The following TTF2 variants were observed in gnomAD, a reference collection of about 807,000 sequenced individuals.
TTF2 encodes the protein RNA polymerase II termination factor.
In TTF2, 108 loss-of-function variants were observed where a neutral mutation model predicts 142.4. That is an observed-to-expected ratio of 0.76 (90% CI 0.65 to 0.89). The LOEUF (loss-of-function observed/expected upper bound fraction) is 0.89. TTF2 is among the 40% of genes least tolerant of loss of function. TTF2 has a pLI of 0.00. For synonymous variants in TTF2, 483 were observed against 506.2 expected (o/e 0.95, Z 0.61); for missense variants, 1,327 against 1,379.8 (o/e 0.96, Z 0.61).
Position 117,093,489 on chromosome 1 carries a change from T to A in TTF2, c.2976+588T>A, listed in dbSNP as rs1243005482. ...ATGTGCTTCATCATCCTGCCTGTCT[T>A]GAAAGTGAGGCTTGTTTCTCTCTTA... is the stretch of plus-strand genomic sequence containing the variant. On this transcript the variant is annotated intron_variant, in intron 18 of 22. Transcript: ENST00000369466. This position sits in a 1 kb window ranked among gnomAD's most constrained non-coding sequence, Gnocchi z 4.5. 2.6e-5 allele frequency among the ~76,000 whole-genome samples: 4 copies of A among 152,202 alleles called. No individual in the cohort carries two copies. Among genetic ancestry groups the A allele is most frequent in the Non-Finnish European group, 4.4e-5 (3 of 68,018 alleles).
At position 117,090,059 on chromosome 1, in the gene TTF2, C is replaced by G; in HGVS notation, c.2347C>G (p.Leu783Val). 6.2e-7 allele frequency: 1 copy of G among 1,612,994 alleles called. No individual in the cohort carries two copies. Among genetic ancestry groups the G allele is most frequent in the Non-Finnish European group, 8.5e-7 (1 of 1,179,438 alleles). The part of the protein sequence containing the change: ...LLDMYSLLKF[L>V]RCSPFDEFNL... ...CCTTCTTCCTCAACAAAAAAGGTTTCTCCGTTGCTCTCCATTTGATGAGTT... is the reference window on the plus strand; with the variant it reads ...CCTTCTTCCTCAACAAAAAAGGTTTGTCCGTTGCTCTCCATTTGATGAGTT... The change falls in exon 14 of 23, where the codon CTC becomes GTC. Residue 783 changes from leucine to valine, a missense_variant. Coordinates refer to ENST00000369466, the MANE Select transcript of TTF2 (RefSeq NM_003594.4). The surrounding 1 kb of genome is among the most constrained non-coding windows in gnomAD (Gnocchi z 4.8).
At position 117,093,171 on chromosome 1, in the gene TTF2, G is replaced by A. The variant is rs527836497; in HGVS notation, c.2976+270G>A. Among the ~76,000 whole-genome samples the A allele has an allele frequency of 9.2e-5, 14 of 152,302 alleles. No individual in the cohort carries two copies. Among genetic ancestry groups the A allele is most frequent in the Non-Finnish European group, 2.1e-4 (14 of 68,022 alleles). On this transcript the variant is annotated intron_variant, in intron 18 of 22. Transcript: ENST00000369466. The surrounding 1 kb of genome is among the most constrained non-coding windows in gnomAD (Gnocchi z 4.5). ...AGTGGGTTTTCTGTCATGGGTCACT[G>A]GGGAGCTTGCCAGGTTTGTGCTAGG...
At position 117,101,347 on chromosome 1, in the gene TTF2, A is replaced by G. The variant is rs368951182; in HGVS notation, c.3345-33A>G. 2.4e-5 allele frequency: 37 copies of G among 1,554,082 alleles called. No homozygotes were observed. Among genetic ancestry groups the G allele is most frequent in the Non-Finnish European group, 3.0e-5 (35 of 1,160,184 alleles). Reference sequence around the variant, plus strand: ...TTAGATGTGCTGCTTAGGGTTTTTGATAGTTTGCTTATTTTTTGTTTTTGT... The same window carrying G: ...TTAGATGTGCTGCTTAGGGTTTTTGGTAGTTTGCTTATTTTTTGTTTTTGT... On this transcript the variant is annotated intron_variant, in intron 22 of 22. Transcript: ENST00000369466. The surrounding 1 kb of genome is among the most constrained non-coding windows in gnomAD (Gnocchi z 5.9).
At position 117,078,000 on chromosome 1, in the gene TTF2, G is replaced by A. The variant is rs773403929; in HGVS notation, c.1658G>A (p.Cys553Tyr). The A allele has an allele frequency of 1.2e-6, 2 of 1,614,192 alleles. No homozygotes were observed. The highest frequency in any genetic ancestry group is 1.7e-6 in the Non-Finnish European group (2 of 1,180,034). ...IGQLHRSLESCPGETVVAEDP... is the reference protein window; with the variant it reads ...IGQLHRSLESYPGETVVAEDP... ...CAACTGCATCGCTCACTTGAGTCAT[G>A]TCCTGGTGAGACGGTTGTGGCAGAA... The change falls in exon 8 of 23, where the codon TGT becomes TAT. Residue 553 changes from cysteine to tyrosine, a missense_variant. Physicochemically the swap from Cys to Tyr is radical, Grantham distance 194. Transcript: ENST00000369466.
At position 117,087,010 on chromosome 1, in the gene TTF2, G is replaced by A. The variant is rs538936801; in HGVS notation, c.2160+488G>A. 5.3e-5 allele frequency among the ~76,000 whole-genome samples: 8 copies of A among 152,142 alleles called. No homozygotes were observed. In the South Asian group the frequency reaches 1.7e-3, roughly 32 times the overall value. ...AAGTGACAATTGTGAATACGTGATG[G>A]TCTTCTAGGGTGTCCAGGGCAGCCT... On this transcript the variant is annotated intron_variant, in intron 12 of 22. Coordinates refer to ENST00000369466, the MANE Select transcript of TTF2 (RefSeq NM_003594.4). This position sits in a 1 kb window ranked among gnomAD's most constrained non-coding sequence, Gnocchi z 4.8.
At chr1:117,071,140 A>G (rs1368866440) in intron 3 of TTF2, among the ~76,000 whole-genome samples, 1 of 152,166 alleles carries the variant, frequency 6.6e-6, no homozygotes, top group African/African-American at 2.4e-5. Flanking sequence ...AATACATAAC[A>G]TGAGAAATAA....
Position 117,060,543 on chromosome 1 carries a change from C to G in TTF2, c.117C>G (p.Phe39Leu), listed in dbSNP as rs1655579798. 4 of 1,611,176 alleles carry G rather than the reference C, an allele frequency of 2.5e-6. No homozygotes were observed. Among genetic ancestry groups the G allele is most frequent in the Non-Finnish European group, 3.4e-6 (4 of 1,178,256 alleles). ...TGTGCCGGGCAGACACGTGCAGCTTCGTGCGGGCCACCGAGTAGGTCTGGA... is the reference window on the plus strand; with the variant it reads ...TGTGCCGGGCAGACACGTGCAGCTTGGTGCGGGCCACCGAGTAGGTCTGGA... ...FYVCRADTCSFVRATDIPVSH... is the reference protein window; with the variant it reads ...FYVCRADTCSLVRATDIPVSH... Residue 39 changes from phenylalanine to leucine, a missense_variant, in exon 2 of 23, where the codon TTC becomes TTG. Physicochemically the swap from Phe to Leu is conservative, Grantham distance 22. Coordinates refer to ENST00000369466, the MANE Select transcript of TTF2 (RefSeq NM_003594.4).
rs2101164595 is a variant in TTF2 at position 117,093,779 on chromosome 1, C to T, written c.2976+878C>T. Among the ~76,000 whole-genome samples the T allele has an allele frequency of 6.6e-6, 1 of 152,314 alleles. No individual in the cohort carries two copies. The highest frequency in any genetic ancestry group is 6.5e-5 in the Admixed American group (1 of 15,298). ...TTGGGCTAAAATTTAAATTCCTAAT[C>T]ATTTGTGTTCCTTGTTTAATTAAAT... On this transcript the variant is annotated intron_variant, in intron 18 of 22. Coordinates refer to ENST00000369466, the MANE Select transcript of TTF2 (RefSeq NM_003594.4). This position sits in a 1 kb window ranked among gnomAD's most constrained non-coding sequence, Gnocchi z 4.5.
In TTF2 at chr1:117,097,077, G is replaced by A. The variant is rs1365873862; in HGVS notation, c.3187-274G>A. On this transcript the variant is annotated intron_variant, in intron 20 of 22. Transcript: ENST00000369466. This position sits in a 1 kb window ranked among gnomAD's most constrained non-coding sequence, Gnocchi z 4.1. ...GTTTATTGAGCTGACCATCCCCAGGGTTCTAAATTACAGTATTTATATATT... is the reference window on the plus strand; with the variant it reads ...GTTTATTGAGCTGACCATCCCCAGGATTCTAAATTACAGTATTTATATATT... Among the ~76,000 whole-genome samples, 1 of 152,008 alleles carries A rather than the reference G, an allele frequency of 6.6e-6. No individual in the cohort carries two copies. Among genetic ancestry groups the A allele is most frequent in the Non-Finnish European group, 1.5e-5 (1 of 68,018 alleles).
intron 13 of TTF2, among the ~76,000 whole-genome samples, chr1:117,089,694 G>A (rs1557824686): frequency 6.6e-6 from 1 of 151,836 alleles, no homozygotes; most frequent in Admixed American, 6.6e-5. Flanking sequence ...AGTCTCTAAA[G>A]AAAAAAATTA....
At chr1:117,064,515 TGTTTG>T (rs1158406872) in intron 3 of TTF2, among the ~76,000 whole-genome samples, 1 of 151,872 alleles carries the variant, frequency 6.6e-6, no homozygotes, top group Non-Finnish European at 1.5e-5. Context: ...TATTTTTGTT[TGTTTG>T]TTTGTTTGTT....
In TTF2 at chr1:117,070,103, G is replaced by A. The variant is rs1656458830; in HGVS notation, c.219-3558G>A. ...ATTGATTTTAATTAAAAATGTAAGG[G>A]AAAGCATTTTTAGCACTGTGCCTAG... On this transcript the variant is annotated intron_variant, in intron 3 of 22. Transcript: ENST00000369466. The surrounding 1 kb of genome is among the most constrained non-coding windows in gnomAD (Gnocchi z 4.2). Among the ~76,000 whole-genome samples the A allele has an allele frequency of 6.6e-6, 1 of 152,176 alleles. No homozygotes were observed. The highest frequency in any genetic ancestry group is 2.1e-4 in the South Asian group (1 of 4,826).
intron 2 of TTF2, 131 bp downstream of exon 2, chr1:117,060,688 T>A: frequency 3.7e-6 from 3 of 817,848 alleles, no homozygotes; most frequent in Non-Finnish European, 3.6e-6. Flanking sequence ...CAGGACCCTT[T>A]AAGCAATTGG....
rs1649841857 is a variant in TTF2, at chr1:117,104,993, T to C, written c.*3469T>C. ...CGATGGGCAGCATCCCACAACACAG[T>C]GGTCTAATTGAGGTGCTGCACTATG... On this transcript the variant is annotated 3_prime_UTR_variant, in exon 23 of 23. Coordinates refer to ENST00000369466, the MANE Select transcript of TTF2 (RefSeq NM_003594.4). 6.6e-6 allele frequency: 1 copy of C among 152,206 alleles called. No individual in the cohort carries two copies. Among genetic ancestry groups the C allele is most frequent in the Admixed American group, 6.5e-5 (1 of 15,280 alleles). 9.4% of individuals were successfully genotyped at this position (152,206 alleles called of 1,614,324 possible).
At position 117,084,123 on chromosome 1, in the gene TTF2, G is replaced by A. The variant is rs1267259254; in HGVS notation, c.2009G>A (p.Arg670Lys). The A allele has an allele frequency of 1.2e-6, 2 of 1,614,026 alleles. No individual in the cohort carries two copies. The highest frequency in any genetic ancestry group is 1.7e-6 in the Non-Finnish European group (2 of 1,180,054). Residue 670 changes from arginine to lysine, a missense_variant, in exon 11 of 23, where the codon AGA (arginine) becomes AAA (lysine). By Grantham distance (26) the Arg-to-Lys change is conservative (BLOSUM62 2). Coordinates refer to ENST00000369466, the MANE Select transcript of TTF2 (RefSeq NM_003594.4). ...VEKRVNSNKL[R>K]VYLYHGPNRD... ...AAACGGGTGAACAGCAACAAACTAA[G>A]AGTCTATCTCTACCATGGGCCAAAC...
chr1:117,097,288 T>C lies in TTF2; in HGVS notation c.3187-63T>C. 1 of 1,448,366 alleles carries C rather than the reference T, an allele frequency of 6.9e-7. No homozygotes were observed. The highest frequency in any genetic ancestry group is 9.7e-7 in the Non-Finnish European group (1 of 1,029,312). The allele number at this position is 1,448,366 out of a possible 1,614,324, so 89.7% of individuals were successfully genotyped here. ...TCTGTATTGATTGTGGACTTAAACC[T>C]GAGACCGAGATGTGTTACGAGACCA... is the stretch of plus-strand genomic sequence containing the variant. On this transcript the variant is annotated intron_variant, in intron 20 of 22. Transcript: ENST00000369466. The surrounding 1 kb of genome is among the most constrained non-coding windows in gnomAD (Gnocchi z 4.1).
At position 117,086,087 on chromosome 1, in the gene TTF2, C is replaced by G. The variant is rs888234022; in HGVS notation, c.2055-330C>G. 6.6e-6 allele frequency among the ~76,000 whole-genome samples: 1 copy of G among 152,208 alleles called. No individual in the cohort carries two copies. The highest frequency in any genetic ancestry group is 1.5e-5 in the Non-Finnish European group (1 of 68,048). ...TCCCAACTCTATCCTACTTTCTGTT[C>G]TGGCCAGATCATATTAAGCATTATA... On this transcript the variant is annotated intron_variant, in intron 11 of 22. Coordinates refer to ENST00000369466, the MANE Select transcript of TTF2 (RefSeq NM_003594.4). This position sits in a 1 kb window ranked among gnomAD's most constrained non-coding sequence, Gnocchi z 4.2.
At chr1:117,067,896 G>A (rs1482590988) in intron 3 of TTF2, among the ~76,000 whole-genome samples, 2 of 152,346 alleles carry the variant, frequency 1.3e-5, no homozygotes, top group African/African-American at 2.4e-5. Flanking sequence ...AAACTGAGGC[G>A]AAGATGCCCA....
Position 117,097,618 on chromosome 1 carries a change from CT to C in TTF2, c.3269+186del, listed in dbSNP as rs1422476934. ...AGGGCTAGCTGACTCCCCTGAATTCCTGAGCTAGCAAGCCTTCAAATGACTA... is the reference window on the plus strand; with the variant it reads ...AGGGCTAGCTGACTCCCCTGAATTCCGAGCTAGCAAGCCTTCAAATGACTA... On this transcript the variant is annotated intron_variant, in intron 21 of 22. Coordinates refer to ENST00000369466, the MANE Select transcript of TTF2 (RefSeq NM_003594.4). This position sits in a 1 kb window ranked among gnomAD's most constrained non-coding sequence, Gnocchi z 4.1. Among the ~76,000 whole-genome samples, 1 of 152,194 alleles carries C rather than the reference CT, an allele frequency of 6.6e-6. No individual in the cohort carries two copies. Among genetic ancestry groups the C allele is most frequent in the Non-Finnish European group, 1.5e-5 (1 of 68,030 alleles).
Sources: gnomAD v4.1 joint callset for allele counts (sites outside exome capture counted in the v4.1 genomes callset) on GRCh38, gnomAD v4.1.1 for gene constraint, Gnocchi (gnomAD v3.1) non-coding constraint, MANE v1.5 for transcripts, NCBI Gene and HGNC (gene_info 2026-07-23, HGNC 2026-07-21) for gene names.